The following ABL2 variants were observed in gnomAD, a reference collection of about 807,000 sequenced individuals.
The protein encoded by ABL2 is tyrosine-protein kinase ABL2.
A neutral mutation model predicts 107.7 loss-of-function variants in ABL2; 49 were observed. The observed-to-expected ratio is 0.45, with a 90% confidence interval of 0.36 to 0.58. The LOEUF (loss-of-function observed/expected upper bound fraction) is 0.58, where lower values mean the gene tolerates loss of function less well. Ranked by LOEUF, ABL2 falls within the 20% of genes least tolerant of loss-of-function variation. ABL2 has a pLI of 0.00. For synonymous variants in ABL2, 549 were observed against 548.6 expected (o/e 1.00, Z -0.01); for missense variants, 1,245 against 1,457.0 (o/e 0.85, Z 2.37).
rs1271812735 is a variant in ABL2, at chr1:179,100,888, TA to T, written c.*6829del. On this transcript the variant is annotated 3_prime_UTR_variant, in exon 12 of 12. Transcript: ENST00000502732. ...TTGCTACTCTGCTCAGGTCAAAAGGTAAGATTTTTGTAGGAGAGGTAAACAA... is the reference window on the plus strand; with the variant it reads ...TTGCTACTCTGCTCAGGTCAAAAGGTAGATTTTTGTAGGAGAGGTAAACAA... 8.6e-6 allele frequency: 2 copies of T among 232,744 alleles called. No homozygotes were observed. The highest frequency in any genetic ancestry group is 8.5e-6 in the Non-Finnish European group (1 of 117,782). The allele number at this position is 232,744 out of a possible 1,614,324, so 14.4% of individuals were successfully genotyped here. A position where few individuals can be genotyped will look rare whatever the true frequency, so the allele number is the denominator to read the frequency against.
chr1:179,189,680 C>A (rs1660887689), intron 1 of ABL2, among the ~76,000 whole-genome samples: 1 of 152,130 alleles, frequency 6.6e-6, no homozygotes, highest in African/African-American at 2.4e-5. Flanking sequence ...TCTCACCACT[C>A]AACACAATAT....
chr1:179,163,519 G>T (rs1659202300), intron 1 of ABL2, among the ~76,000 whole-genome samples: 1 of 152,128 alleles, frequency 6.6e-6, no homozygotes, highest in Non-Finnish European at 1.5e-5. Context: ...GGATGAGGCG[G>T]GTGGATCACT....
intron 1 of ABL2, among the ~76,000 whole-genome samples, chr1:179,214,554 G>C (rs1382912152): frequency 9.6e-6 from 1 of 103,900 alleles, no homozygotes; most frequent in Non-Finnish European, 2.2e-5. Context: ...ATATATATGA[G>C]AATATATGAT....
At chr1:179,182,327 T>A (rs759366331) in intron 1 of ABL2, among the ~76,000 whole-genome samples, 2 of 152,168 alleles carry the variant, frequency 1.3e-5, no homozygotes, top group Non-Finnish European at 2.9e-5. Flanking sequence ...CACTTTTAAC[T>A]CAGAACCTTT....
intron 1 of ABL2, 71 bp downstream of exon 1, chr1:179,229,170 G>GCCCCCCCCCCCCCCCCCCCCCCCCC: frequency 7.5e-6 from 2 of 266,256 alleles, no homozygotes; most frequent in Non-Finnish European, 1.4e-5. Context: ...CAGCCCGTCC[G>GCCCCCCCCCCCCCCCCCCCCCCCCC]CCACCCACCC....
intron 1 of ABL2, among the ~76,000 whole-genome samples, chr1:179,167,903 C>T (rs1054351917): frequency 1.3e-5 from 2 of 152,032 alleles, no homozygotes; most frequent in Non-Finnish European, 2.9e-5. Context: ...AACTTTAACC[C>T]GGGAGGCAGA....
intron 3 of ABL2, among the ~76,000 whole-genome samples, chr1:179,130,997 G>A (rs1444031351): frequency 6.6e-6 from 1 of 150,974 alleles, no homozygotes; most frequent in Non-Finnish European, 1.5e-5. Context: ...CTGGAGTGCA[G>A]TGGTGTGATC....
chr1:179,165,933 T>C (rs997966679), intron 1 of ABL2, among the ~76,000 whole-genome samples: 3 of 152,026 alleles, frequency 2.0e-5, no homozygotes, highest in Non-Finnish European at 2.9e-5. Context: ...GTAGCTGGGA[T>C]TACAGGCACA....
At chr1:179,216,522 T>C (rs1662571453) in intron 1 of ABL2, among the ~76,000 whole-genome samples, 1 of 152,174 alleles carries the variant, frequency 6.6e-6, no homozygotes, top group South Asian at 2.1e-4. Context: ...CTGTCTAAAT[T>C]GTATCTAAAA....
chr1:179,201,903 C>T, intron 1 of ABL2: 1 of 1,307,900 alleles, frequency 7.6e-7, no homozygotes, highest in Non-Finnish European at 9.8e-7. Context: ...GGAAATGCCC[C>T]TCAATGTTGC....
intron 1 of ABL2, chr1:179,183,860 C>A: frequency 4.7e-6 from 1 of 212,388 alleles, no homozygotes; most frequent in Non-Finnish European, 9.2e-6. Flanking sequence ...AAATGCTAGT[C>A]TCCACGCCCA....
At chr1:179,166,035 G>A (rs761664220) in intron 1 of ABL2, among the ~76,000 whole-genome samples, 1 of 152,150 alleles carries the variant, frequency 6.6e-6, no homozygotes, top group Non-Finnish European at 1.5e-5. Flanking sequence ...GACCTCAGGT[G>A]ATCTGCCCGC....
chr1:179,170,464 T>A (rs1347834739), intron 1 of ABL2, among the ~76,000 whole-genome samples: 1 of 152,276 alleles, frequency 6.6e-6, no homozygotes, highest in Non-Finnish European at 1.5e-5. Context: ...TCACCCAGGC[T>A]GGAGTGCAGT....
intron 1 of ABL2, among the ~76,000 whole-genome samples, chr1:179,169,409 G>A (rs961129001): frequency 7.9e-5 from 12 of 151,988 alleles, no homozygotes; most frequent in African/African-American, 1.2e-4. Flanking sequence ...TTAGCTGGGC[G>A]TGGTGGCGGG....
At position 179,229,173 on chromosome 1, in the gene ABL2, A is replaced by ACCCCCCCCCCCCCCCC; in HGVS notation, c.157+67_157+68insGGGGGGGGGGGGGGGG. On this transcript the variant is annotated intron_variant, in intron 1 of 11. Coordinates refer to ENST00000502732, the MANE Select transcript of ABL2 (RefSeq NM_007314.4). ...CGACCCCTCGGGCAGCCCGTCCGCCACCCACCCCGCCCCGACCCCACCCCC... is the reference window on the plus strand; with the variant it reads ...CGACCCCTCGGGCAGCCCGTCCGCCACCCCCCCCCCCCCCCCCCCACCCCGCCCCGACCCCACCCCC... 3 of 223,208 alleles carry ACCCCCCCCCCCCCCCC rather than the reference A, an allele frequency of 1.3e-5. 1 individual carries two copies. The highest frequency in any genetic ancestry group is 2.2e-5 in the Non-Finnish European group (3 of 139,496). The allele number at this position is 223,208 out of a possible 1,614,324, so 13.8% of individuals were successfully genotyped here.
chr1:179,224,134 C>CAAAAAAAA (rs1181284107), intron 1 of ABL2, among the ~76,000 whole-genome samples: 17 of 34,490 alleles, frequency 4.9e-4, no homozygotes, highest in East Asian at 1.4e-3. Flanking sequence ...CTACTCACTA[C>CAAAAAAAA]AAAAAAAAAA....
At chr1:179,209,244 T>C (rs923334121) in intron 1 of ABL2, among the ~76,000 whole-genome samples, 1 of 152,184 alleles carries the variant, frequency 6.6e-6, no homozygotes, top group Non-Finnish European at 1.5e-5. Context: ...AATGTCCTTA[T>C]CTCTGAAGAC....
rs1336321412 is a variant in ABL2 at position 179,108,169 on chromosome 1, C to A, written c.3098G>T (p.Ser1033Ile). 3 of 1,614,098 alleles carry A rather than the reference C, an allele frequency of 1.9e-6. No individual in the cohort carries two copies. The highest frequency in any genetic ancestry group is 8.5e-7 in the Non-Finnish European group (1 of 1,180,054). Residue 1033 changes from serine (S) to isoleucine (I), a missense_variant, in exon 12 of 12, where the codon AGT becomes ATT. Physicochemically the swap from Ser to Ile is moderately radical, Grantham distance 142 (BLOSUM62 -2). Transcript: ENST00000502732. ...CATCACTGGCCTCCCAGCTTTCCCACTGATGGGCACTGCGCCCAGAGCTGC... is the reference window on the plus strand; with the variant it reads ...CATCACTGGCCTCCCAGCTTTCCCAATGATGGGCACTGCGCCCAGAGCTGC... ...KKAALGAVPI[S>I]GKAGRPVMPP...
intron 1 of ABL2, among the ~76,000 whole-genome samples, chr1:179,195,871 G>C (rs1463208519): frequency 6.6e-6 from 1 of 152,176 alleles, no homozygotes; most frequent in Non-Finnish European, 1.5e-5. Flanking sequence ...TGGTTGCCAA[G>C]GGCTAGAGGA....
Sources: gnomAD v4.1 joint callset for allele counts (sites outside exome capture counted in the v4.1 genomes callset) on GRCh38, gnomAD v4.1.1 for gene constraint, MANE v1.5 for transcripts, NCBI Gene and HGNC (gene_info 2026-07-23, HGNC 2026-07-21) for gene names.